PHIP: variants seen among roughly 807,000 people sequenced by gnomAD.
PHIP encodes the protein PHIP subunit of CUL4-Ring ligase complex, also known as PH-interacting protein.
Under a neutral mutation model 236.8 loss-of-function variants are expected in PHIP, and 54 were observed. The observed-to-expected ratio is 0.23, with a 90% CI of 0.18 to 0.29. The LOEUF is 0.29. Ranked by LOEUF, PHIP falls within the 10% of genes least tolerant of loss-of-function variation. The pLI is 1.00. For synonymous variants in PHIP, 756 were observed against 718.9 expected, an observed-to-expected ratio of 1.05 and a Z score of -0.83; for missense variants, 1,370 against 2,190.8, an observed-to-expected ratio of 0.63 and a Z score of 7.48.
chr6:78,965,841 T>C, intron 28 of PHIP, 77 bp from the exon 29 acceptor site: 2 of 1,175,212 alleles, frequency 1.7e-6, no homozygotes, highest in Non-Finnish European at 2.5e-6. Context: ...ATTATCAAAA[T>C]AATTGCTTCT....
chr6:78,947,648 G>A lies in PHIP; in HGVS notation c.4181C>T (p.Ala1394Val), dbSNP rs760918638. 1 of 1,475,948 alleles carries A rather than the reference G, an allele frequency of 6.8e-7. No homozygotes were observed. Among genetic ancestry groups the A allele is most frequent in the South Asian group, 1.1e-5 (1 of 87,214 alleles). The allele number at this position is 1,475,948 out of a possible 1,614,324, so 91.4% of individuals were successfully genotyped here. ...CCTTGATCTTTTGCTTGGTGTATAT[G>A]CTTTGGAATTACTGAAAATAAGTCT... ...DVRLIFSNSK[A>V]YTPSKRSRIY... Residue 1394 changes from alanine (A) to valine (V), a missense_variant, in exon 36 of 40, where the codon GCA (alanine) becomes GTA (valine). Transcript: ENST00000275034.
rs1286238042 is a variant in PHIP at position 79,014,469 on chromosome 6, A to C, written c.1524+613T>G. On this transcript the variant is annotated intron_variant, in intron 15 of 39. Transcript: ENST00000275034. ...TAAAAAATATGACTACACAAACTGC[A>C]GTAGTTGAGGAGACCTTAATACTTC... Among the ~76,000 whole-genome samples, 8 of 151,950 alleles carry C rather than the reference A, an allele frequency of 5.3e-5. No individual in the cohort carries two copies. In the East Asian group the frequency reaches 1.5e-3, roughly 29 times the overall value.
chr6:79,041,195 T>C (rs937937497), intron 7 of PHIP, among the ~76,000 whole-genome samples: 10 of 152,116 alleles, frequency 6.6e-5, no homozygotes, highest in African/African-American at 2.2e-4. Flanking sequence ...AACATGCCTG[T>C]GTTTCAATAA....
intron 23 of PHIP, among the ~76,000 whole-genome samples, chr6:78,979,201 T>C (rs544146355): frequency 2.0e-5 from 3 of 151,952 alleles, no homozygotes; most frequent in Non-Finnish European, 4.4e-5. Context: ...ACACTTATTC[T>C]AGAAAAAATG....
At chr6:78,962,920 G>C (rs1345912835) in intron 30 of PHIP, among the ~76,000 whole-genome samples, 177 bp downstream of exon 30, 1 of 152,144 alleles carries the variant, frequency 6.6e-6, no homozygotes, top group Non-Finnish European at 1.5e-5. Context: ...ATTTATAACT[G>C]TTTTAAATAG....
chr6:79,008,112 T>C (rs949262079), intron 15 of PHIP, among the ~76,000 whole-genome samples: 6 of 151,004 alleles, frequency 4.0e-5, no homozygotes, highest in African/African-American at 1.5e-4. Flanking sequence ...GATGAGATTG[T>C]GCCAGGAGGC....
intron 27 of PHIP, among the ~76,000 whole-genome samples, chr6:78,969,604 A>G (rs2127704701): frequency 6.6e-6 from 1 of 152,294 alleles, no homozygotes; most frequent in Non-Finnish European, 1.5e-5. Flanking sequence ...ACATGAAAAT[A>G]AAGTCAAATG....
chr6:78,997,091 T>C (rs1769672030), intron 19 of PHIP, among the ~76,000 whole-genome samples: 1 of 151,820 alleles, frequency 6.6e-6, no homozygotes, highest in South Asian at 2.1e-4. Context: ...ACAACAAACT[T>C]TATAAAATGT....
chr6:79,003,383 TA>T (rs1770115257), intron 16 of PHIP, among the ~76,000 whole-genome samples: 1 of 152,062 alleles, frequency 6.6e-6, no homozygotes, highest in Non-Finnish European at 1.5e-5. Context: ...TTATCTATAT[TA>T]AAAAAACATT....
chr6:79,016,039 C>T, intron 13 of PHIP, among the ~76,000 whole-genome samples: 1 of 151,842 alleles, frequency 6.6e-6, no homozygotes, highest in East Asian at 1.9e-4. Context: ...ATAACTCTAT[C>T]TAGATCCAGG....
chr6:78,973,204 G>A (rs1767744579), intron 24 of PHIP, among the ~76,000 whole-genome samples: 1 of 152,110 alleles, frequency 6.6e-6, no homozygotes, highest in East Asian at 1.9e-4. Flanking sequence ...CAAGCCAGAA[G>A]AGAGTGGGGG....
rs1773439272 is a variant in PHIP at position 78,940,548 on chromosome 6, G to GTTTGTTTTTT, written c.*144_*145insAAAAAACAAA. 1 of 82,672 alleles carries GTTTGTTTTTT rather than the reference G, an allele frequency of 1.2e-5. No homozygotes were observed. Among genetic ancestry groups the GTTTGTTTTTT allele is most frequent in the African/African-American group, 5.7e-5 (1 of 17,662 alleles). 5.1% of individuals were successfully genotyped at this position (82,672 alleles called of 1,614,324 possible). ...AAGAAGTGAAGTGTCTCGTAAGTTT[G>GTTTGTTTTTT]TTTTTTTTTTTTTTTTTTTTTTTGC... On this transcript the variant is annotated 3_prime_UTR_variant, in exon 40 of 40. Transcript: ENST00000275034.
chr6:79,018,264 A>G (rs996655147), intron 10 of PHIP, among the ~76,000 whole-genome samples: 2 of 151,968 alleles, frequency 1.3e-5, no homozygotes, highest in Admixed American at 1.3e-4. Flanking sequence ...TGATGCCTAT[A>G]TTTGTATGAC....
chr6:78,979,401 C>T (rs532745856), intron 23 of PHIP, among the ~76,000 whole-genome samples: 1 of 152,120 alleles, frequency 6.6e-6, no homozygotes, highest in East Asian at 1.9e-4. Flanking sequence ...ATAAACATTC[C>T]ATATAACAAA....
In PHIP at chr6:78,941,304, G is replaced by A; in HGVS notation, c.4855C>T (p.Pro1619Ser). The change falls in exon 40 of 40, where the codon CCA becomes TCA. Residue 1619 changes from proline to serine, a missense_variant. Physicochemically the swap from Pro to Ser is moderately conservative, Grantham distance 74. Coordinates refer to ENST00000275034, the MANE Select transcript of PHIP (RefSeq NM_017934.7). The part of the protein sequence containing the change: ...QGDCKNNALV[P>S]GTIQVNGHGG... ...TGGCCATTTACTTGAATGGTTCCTG[G>A]TACAAGAGCGTTGTTCTTACAATCT... is the stretch of plus-strand genomic sequence containing the variant. 6 of 1,613,036 alleles carry A rather than the reference G, an allele frequency of 3.7e-6. No individual in the cohort carries two copies. Among genetic ancestry groups the A allele is most frequent in the Non-Finnish European group, 4.2e-6 (5 of 1,179,300 alleles).
intron 29 of PHIP, among the ~76,000 whole-genome samples, chr6:78,964,725 T>TC (rs1347630318): frequency 1.3e-5 from 2 of 152,134 alleles, no homozygotes; most frequent in Non-Finnish European, 2.9e-5. Context: ...ACACCTGACC[T>TC]CGTGATCCAC....
intron 19 of PHIP, among the ~76,000 whole-genome samples, chr6:78,994,558 C>T (rs748553670): frequency 1.3e-5 from 2 of 149,630 alleles, no homozygotes; most frequent in Non-Finnish European, 3.0e-5. Flanking sequence ...GCCTGGGCAA[C>T]AAAGTAAGAC....
intron 6 of PHIP, among the ~76,000 whole-genome samples, chr6:79,053,815 T>G (rs909997472): frequency 6.6e-6 from 1 of 152,176 alleles, no homozygotes; most frequent in Admixed American, 6.5e-5. Context: ...AAATGGCTAG[T>G]GATTCCTAAT....
chr6:78,956,443 T>C (rs1766422702), intron 32 of PHIP: 1 of 152,178 alleles, frequency 6.6e-6, no homozygotes, highest in African/African-American at 2.4e-5. Flanking sequence ...GTCTCTTCTC[T>C]GTCAATTAAA....
Sources: allele counts gnomAD v4.1 joint callset (sites outside exome capture counted in the v4.1 genomes callset), GRCh38; gene constraint gnomAD v4.1.1; transcripts MANE v1.5; gene names NCBI Gene and HGNC (gene_info 2026-07-23, HGNC 2026-07-21).